PRKCE: variants seen among roughly 807,000 people sequenced by gnomAD.
PRKCE encodes protein kinase C epsilon type.
PRKCE carries 16 observed loss-of-function variants against 85.4 expected under a neutral mutation model. That is an observed-to-expected ratio of 0.19 (90% CI 0.13 to 0.28). PRKCE has a LOEUF of 0.28. PRKCE is among the 10% of genes least tolerant of loss of function. The probability of loss-of-function intolerance (pLI) is 1.00; values close to 1 mark genes in which losing one functional copy is unlikely to be tolerated. For synonymous variants in PRKCE, 388 were observed against 371.5 expected, an observed-to-expected ratio of 1.04 and a Z score of -0.51; for missense variants, 573 against 975.2, an observed-to-expected ratio of 0.59 and a Z score of 5.49.
chr2:45,715,300 T>G (rs1198679796), intron 1 of PRKCE, among the ~76,000 whole-genome samples: 3 of 152,254 alleles, frequency 2.0e-5, no homozygotes, highest in African/African-American at 4.8e-5. Context: ...TCACCTCTGC[T>G]AGGCTTAAGC....
intron 10 of PRKCE, among the ~76,000 whole-genome samples, chr2:46,018,236 T>C (rs1425472327): frequency 6.6e-6 from 1 of 152,168 alleles, no homozygotes; most frequent in Non-Finnish European, 1.5e-5. Context: ...CCCTCACACT[T>C]GTCTGTTTAG....
intron 2 of PRKCE, among the ~76,000 whole-genome samples, chr2:45,929,701 C>G (rs1698891868): frequency 1.3e-5 from 2 of 152,146 alleles, no homozygotes; most frequent in African/African-American, 4.8e-5. Context: ...TGTCTTCTTC[C>G]TGTTCCATCC....
At chr2:46,140,954 A>T (rs1675457807) in intron 11 of PRKCE, among the ~76,000 whole-genome samples, 1 of 152,220 alleles carries the variant, frequency 6.6e-6, no homozygotes. Flanking sequence ...ATAATGAGAT[A>T]CTGTTTTCAC....
intron 11 of PRKCE, among the ~76,000 whole-genome samples, chr2:46,103,022 A>G (rs1166891613): frequency 6.6e-6 from 1 of 152,254 alleles, no homozygotes; most frequent in African/African-American, 2.4e-5. Flanking sequence ...GTGAGGGCAG[A>G]GTAGCAATGT....
intron 1 of PRKCE, among the ~76,000 whole-genome samples, chr2:45,824,432 G>T (rs1281175710): frequency 2.0e-5 from 3 of 152,144 alleles, no homozygotes; most frequent in African/African-American, 7.2e-5. Flanking sequence ...AGTCTCTTAA[G>T]CGGGGCGTGT....
intron 1 of PRKCE, among the ~76,000 whole-genome samples, chr2:45,712,434 G>A (rs1025932740): frequency 9.9e-5 from 15 of 152,090 alleles, no homozygotes; most frequent in African/African-American, 3.1e-4. Flanking sequence ...GGGATTACAG[G>A]CATGAGTCAC....
chr2:45,888,663 G>T (rs1439075653), intron 2 of PRKCE, among the ~76,000 whole-genome samples: 1 of 152,012 alleles, frequency 6.6e-6, no homozygotes, highest in Admixed American at 6.6e-5. Context: ...TGTTGGCCAG[G>T]CTGGTTTCGA....
At chr2:45,963,161 C>G (rs1701493481) in intron 2 of PRKCE, among the ~76,000 whole-genome samples, 2 of 152,092 alleles carry the variant, frequency 1.3e-5, no homozygotes, top group Non-Finnish European at 1.5e-5. Context: ...GGAAGGCAAG[C>G]TCGTTTCCTG....
intron 1 of PRKCE, among the ~76,000 whole-genome samples, chr2:45,798,997 C>T (rs1687651737): frequency 6.6e-6 from 1 of 151,906 alleles, no homozygotes. Flanking sequence ...GAAACCCCGT[C>T]TCTACTAAAA....
intron 1 of PRKCE, among the ~76,000 whole-genome samples, chr2:45,679,001 A>G (rs1676682880): frequency 6.6e-6 from 1 of 152,214 alleles, no homozygotes; most frequent in African/African-American, 2.4e-5. Context: ...ATTTTGAAAG[A>G]CAAAACATGT....
At chr2:45,962,260 AG>A (rs34581904) in intron 2 of PRKCE, among the ~76,000 whole-genome samples, 5 of 152,196 alleles carry the variant, frequency 3.3e-5, no homozygotes, top group Non-Finnish European at 7.4e-5. Flanking sequence ...CTTTCCCCCC[AG>A]GGCCCTAAAG....
chr2:45,874,225 T>C (rs1246713943), intron 2 of PRKCE, among the ~76,000 whole-genome samples: 1 of 152,212 alleles, frequency 6.6e-6, no homozygotes, highest in East Asian at 1.9e-4. Flanking sequence ...TGGGAGTCCC[T>C]TTTCTCCTGG....
chr2:45,802,461 C>A (rs1185474564), intron 1 of PRKCE, among the ~76,000 whole-genome samples: 63 of 151,930 alleles, frequency 4.1e-4, no homozygotes, highest in Admixed American at 4.1e-3. Flanking sequence ...ATAAGATGAT[C>A]TACTGTAATT....
chr2:45,732,240 T>C (rs1681641935), intron 1 of PRKCE, among the ~76,000 whole-genome samples: 1 of 152,104 alleles, frequency 6.6e-6, no homozygotes, highest in Admixed American at 6.6e-5. Flanking sequence ...GTCGGGAGGC[T>C]AGGGACAGAC....
intron 11 of PRKCE, among the ~76,000 whole-genome samples, chr2:46,128,719 C>G (rs2104390258): frequency 6.6e-6 from 1 of 152,202 alleles, no homozygotes; most frequent in Middle Eastern, 3.4e-3. Context: ...CTGTGGTTGA[C>G]CATTAAAAAT....
chr2:45,706,613 C>A (rs1485708547), intron 1 of PRKCE, among the ~76,000 whole-genome samples: 1 of 152,210 alleles, frequency 6.6e-6, no homozygotes, highest in African/African-American at 2.4e-5. Context: ...ATGTCTCAAT[C>A]TCTGGCATCA....
intron 7 of PRKCE, among the ~76,000 whole-genome samples, chr2:46,003,365 G>T (rs1277006007): frequency 6.6e-6 from 1 of 152,224 alleles, no homozygotes; most frequent in Non-Finnish European, 1.5e-5. Context: ...AACCACTGAT[G>T]TTAATGGAGA....
chr2:45,652,196 G>A lies in PRKCE; in HGVS notation c.96G>A (p.Arg32=). The A allele has an allele frequency of 6.2e-7, 1 of 1,613,600 alleles. No homozygotes were observed. The highest frequency in any genetic ancestry group is 1.7e-5 in the Admixed American group (1 of 60,010). The change falls in exon 1 of 15, where the codon CGG becomes CGA. Residue 32 remains arginine, a synonymous_variant. Coordinates refer to ENST00000306156, the MANE Select transcript of PRKCE (RefSeq NM_005400.3). This position sits in a 1 kb window ranked among gnomAD's most constrained non-coding sequence, Gnocchi z 7.7. ...CGCTGCGCCATGCGGTGGGACCCCG[G>A]CCGCAGACTTTCCTTCTCGACCCCT... is the stretch of plus-strand genomic sequence containing the variant. ...AWSLRHAVGP[R]PQTFLLDPYI...
chr2:46,032,469 T>C (rs1707592254), intron 10 of PRKCE, among the ~76,000 whole-genome samples: 1 of 152,222 alleles, frequency 6.6e-6, no homozygotes, highest in Admixed American at 6.5e-5. Flanking sequence ...CCCTTAATTA[T>C]GGTCAGGCCA....
Sources: gnomAD v4.1 joint callset for allele counts (sites outside exome capture counted in the v4.1 genomes callset) on GRCh38, gnomAD v4.1.1 for gene constraint, Gnocchi (gnomAD v3.1) non-coding constraint, MANE v1.5 for transcripts, NCBI Gene and HGNC (gene_info 2026-07-23, HGNC 2026-07-21) for gene names.